The following ACOXL variants were observed in gnomAD, a reference collection of about 807,000 sequenced individuals.
ACOXL encodes the protein acyl-CoA oxidase like, also known as acyl-coenzyme A oxidase-like protein.
A neutral mutation model predicts 71.9 loss-of-function variants in ACOXL; 70 were observed. The ratio of observed to expected loss-of-function variants is 0.97; its 90% CI spans 0.80 to 1.19. ACOXL has a LOEUF of 1.19. ACOXL is among the 50% of genes most tolerant of loss of function. The pLI, the probability that ACOXL is intolerant of heterozygous loss-of-function variation, is 0.00. For missense variants in ACOXL, 703 were observed against 736.3 expected (o/e 0.95, Z 0.52); for synonymous variants, 253 against 281.6 (o/e 0.90, Z 1.02).
chr2:110,799,111 A>T lies in ACOXL; in HGVS notation c.547+11A>T. The T allele has an allele frequency of 6.2e-7, 1 of 1,613,222 alleles. No homozygotes were observed. Among genetic ancestry groups the T allele is most frequent in the Admixed American group, 1.7e-5 (1 of 60,000 alleles). On this transcript the variant is annotated intron_variant, in intron 7 of 17. Coordinates refer to ENST00000439055, the MANE Select transcript of ACOXL (RefSeq NM_001142807.4). ...TGATGTACAAGGAGGGTGAGTCCCC[A>T]GGTGCCCTTTTCCTGTGCTCACTCT...
At chr2:110,956,148 G>A (rs964907245) in intron 12 of ACOXL, among the ~76,000 whole-genome samples, 2 of 151,842 alleles carry the variant, frequency 1.3e-5, no homozygotes, top group Admixed American at 6.6e-5. Context: ...GGCTGGTCTT[G>A]AACTCCTGAC....
At chr2:111,095,670 C>T (rs993207757) in intron 17 of ACOXL, among the ~76,000 whole-genome samples, 1 of 152,136 alleles carries the variant, frequency 6.6e-6, no homozygotes, top group South Asian at 2.1e-4. Flanking sequence ...GGATTACAGG[C>T]GTGATCCACT....
At chr2:110,808,821 A>C (rs1425624477) in intron 9 of ACOXL, among the ~76,000 whole-genome samples, 1 of 152,174 alleles carries the variant, frequency 6.6e-6, no homozygotes, top group African/African-American at 2.4e-5. Context: ...ACAACTCATG[A>C]GTGTAGCAAC....
chr2:111,009,734 C>A (rs947511317), intron 14 of ACOXL, among the ~76,000 whole-genome samples: 1 of 152,024 alleles, frequency 6.6e-6, no homozygotes, highest in Non-Finnish European at 1.5e-5. Context: ...CTTTAAAGAG[C>A]AGAACAGAGA....
intron 1 of ACOXL, among the ~76,000 whole-genome samples, chr2:110,747,896 C>T (rs377706473): frequency 2.0e-5 from 3 of 152,280 alleles, no homozygotes; most frequent in East Asian, 3.9e-4. Context: ...TTCTCTCCTC[C>T]TGGGGGCCTC....
intron 14 of ACOXL, among the ~76,000 whole-genome samples, chr2:111,009,618 A>G (rs1375446374): frequency 6.6e-6 from 1 of 152,202 alleles, no homozygotes; most frequent in Non-Finnish European, 1.5e-5. Flanking sequence ...CAGAGAGGGA[A>G]GCTTCAAAAT....
intron 6 of ACOXL, 115 bp from the exon 7 acceptor site, chr2:110,798,899 G>A (rs1427044110): frequency 5.7e-6 from 7 of 1,221,518 alleles, no homozygotes; most frequent in Admixed American, 5.2e-5. Flanking sequence ...CTCATGCTTG[G>A]TGCACAGTTG....
At chr2:110,769,220 C>A (rs1321208269) in intron 2 of ACOXL, among the ~76,000 whole-genome samples, 1 of 138,420 alleles carries the variant, frequency 7.2e-6, no homozygotes, top group Non-Finnish European at 1.5e-5. Context: ...AATTTAGCCT[C>A]ATGAAAAAAG....
At chr2:110,965,747 G>A (rs2061896612) in intron 12 of ACOXL, among the ~76,000 whole-genome samples, 1 of 152,198 alleles carries the variant, frequency 6.6e-6, no homozygotes, top group Non-Finnish European at 1.5e-5. Flanking sequence ...CAACAGACAA[G>A]CATGGGAAGA....
intron 14 of ACOXL, among the ~76,000 whole-genome samples, chr2:111,026,863 G>A (rs72946265): frequency 1.3e-5 from 2 of 152,138 alleles, no homozygotes; most frequent in African/African-American, 2.4e-5. Flanking sequence ...GAGGAGGAAT[G>A]TGCAGTCTTT....
At position 110,737,109 on chromosome 2, in the gene ACOXL, G is replaced by C. The variant is rs573338906; in HGVS notation, c.-23+4335G>C. The stretch of plus-strand genomic sequence containing the variant: ...ATCTCACTGTGTGTTTTATTCTACA[G>C]CTTTCTCTTTTGAAATTGAATTCTT... On this transcript the variant is annotated intron_variant, in intron 1 of 17. Coordinates refer to ENST00000439055, the MANE Select transcript of ACOXL (RefSeq NM_001142807.4). 9.2e-5 allele frequency among the ~76,000 whole-genome samples: 14 copies of C among 152,258 alleles called. No homozygotes were observed. In the South Asian group the frequency reaches 2.9e-3, roughly 32 times the overall value.
chr2:110,750,549 A>T (rs1423734635), intron 1 of ACOXL, among the ~76,000 whole-genome samples: 1 of 150,020 alleles, frequency 6.7e-6, no homozygotes, highest in Non-Finnish European at 1.5e-5. Flanking sequence ...ATTTCTGATC[A>T]TCTACTTTTT....
intron 12 of ACOXL, among the ~76,000 whole-genome samples, chr2:110,952,123 C>T (rs1197726154): frequency 6.6e-6 from 1 of 152,200 alleles, no homozygotes; most frequent in Non-Finnish European, 1.5e-5. Context: ...TGGTTTCTTT[C>T]TAAGAACATA....
intron 14 of ACOXL, among the ~76,000 whole-genome samples, chr2:111,001,781 C>G (rs1017181499): frequency 6.6e-6 from 1 of 152,132 alleles, no homozygotes; most frequent in Admixed American, 6.5e-5. Context: ...CTTATTTGCA[C>G]CTAGACTGAA....
At chr2:110,738,320 T>A (rs1374913098) in intron 1 of ACOXL, among the ~76,000 whole-genome samples, 1 of 152,154 alleles carries the variant, frequency 6.6e-6, no homozygotes, top group African/African-American at 2.4e-5. Flanking sequence ...ACTTTCCGAG[T>A]TTTGGGTGCA....
chr2:110,803,551 C>A lies in ACOXL; in HGVS notation c.621-1712C>A, dbSNP rs1311407276. ...TGGATCACAGACCTAAATGTAAGAG[C>A]TAAAACTACACAAATCTTAGAAGAA... On this transcript the variant is annotated intron_variant, in intron 8 of 17. Transcript: ENST00000439055. Among the ~76,000 whole-genome samples the A allele has an allele frequency of 2.0e-5, 3 of 152,256 alleles. No individual in the cohort carries two copies. In the South Asian group the frequency reaches 6.2e-4, roughly 32 times the overall value.
At chr2:110,852,604 C>T (rs1454605552) in intron 10 of ACOXL, among the ~76,000 whole-genome samples, 5 of 152,216 alleles carry the variant, frequency 3.3e-5, no homozygotes, top group Non-Finnish European at 4.4e-5. Flanking sequence ...AAACTACTTA[C>T]AAATCAAGAA....
chr2:111,069,676 G>A (rs1023306406), intron 16 of ACOXL, among the ~76,000 whole-genome samples: 1 of 152,040 alleles, frequency 6.6e-6, no homozygotes, highest in African/African-American at 2.4e-5. Context: ...GGGAATTGGG[G>A]GTGACAGTAA....
intron 12 of ACOXL, among the ~76,000 whole-genome samples, chr2:110,979,907 A>G (rs2062627808): frequency 6.6e-6 from 1 of 152,132 alleles, no homozygotes; most frequent in East Asian, 1.9e-4. Context: ...TTTTCAACAG[A>G]AGGTAAGCAC....
Sources: allele counts gnomAD v4.1 joint callset (sites outside exome capture counted in the v4.1 genomes callset), GRCh38; gene constraint gnomAD v4.1.1; transcripts MANE v1.5; gene names NCBI Gene and HGNC (gene_info 2026-07-23, HGNC 2026-07-21).